Variants in CNKSR2 observed in about 807,000 individuals in gnomAD.
The protein encoded by CNKSR2 is connector enhancer of kinase suppressor of Ras 2, also known as CNK homolog protein 2.
A neutral mutation model predicts 84.4 loss-of-function variants in CNKSR2; 14 were observed. The observed-to-expected ratio is 0.17, with a 90% CI of 0.11 to 0.26. CNKSR2 has a LOEUF of 0.26. Among genes scored for constraint, CNKSR2 ranks in the 10% least tolerant of loss-of-function variants. The probability of loss-of-function intolerance (pLI) is 1.00; values close to 1 mark genes in which losing one functional copy is unlikely to be tolerated. For synonymous variants in CNKSR2, 275 were observed against 277.9 expected, an observed-to-expected ratio of 0.99 and a Z score of 0.10; for missense variants, 485 against 771.2, an observed-to-expected ratio of 0.63 and a Z score of 4.40.
intron 1 of CNKSR2, among the ~76,000 whole-genome samples, chrX:21,404,420 T>C (rs1267696019): frequency 9.0e-6 from 1 of 111,470 alleles, no homozygotes; most frequent in Non-Finnish European, 1.9e-5. Context: ...ATAAATCTTT[T>C]CCTGTATATT....
chrX:21,591,048 C>T lies in CNKSR2; in HGVS notation c.1684C>T (p.Arg562Ter). Residue 562 changes from arginine to a stop codon, truncating the protein, a stop_gained, in exon 15 of 22, where the codon CGA (arginine) becomes TGA (stop). Coordinates refer to ENST00000379510, the MANE Select transcript of CNKSR2 (RefSeq NM_014927.5). LOFTEE classifies it high-confidence loss of function. ...KGPIAGKSKR[R>*]ISCKDLGRGD... ...TCCTATAGCAGGCAAGAGCAAAAGA[C>T]GAATTTCTTGCAAAGATCTTGGCCG... 1 of 1,208,550 alleles carries T rather than the reference C, an allele frequency of 8.3e-7. No individual in the cohort carries two copies. The highest frequency in any genetic ancestry group is 1.7e-5 in the African/African-American group (1 of 57,579).
In CNKSR2 at chrX:21,653,832, T is replaced by C. The variant is rs1391847578; in HGVS notation, c.*1311T>C. 3.6e-5 allele frequency: 4 copies of C among 111,619 alleles called. No homozygotes were observed. The East Asian group carries it at 8.5e-4, about 24-fold the overall frequency. 9.2% of individuals were successfully genotyped at this position (111,619 alleles called of 1,213,427 possible). On this transcript the variant is annotated 3_prime_UTR_variant, in exon 22 of 22. Coordinates refer to ENST00000379510, the MANE Select transcript of CNKSR2 (RefSeq NM_014927.5). ...TGTACAAGTCACAATTTGCTGTTTT[T>C]TTCAGGAGGAGAAAGGGAACCTCCT...
chrX:21,525,457 T>G (rs891701774), intron 9 of CNKSR2, among the ~76,000 whole-genome samples: 1 of 111,277 alleles, frequency 9.0e-6, no homozygotes, highest in Non-Finnish European at 1.9e-5. Context: ...ACTCCCAAAT[T>G]ACATTATCAT....
At chrX:21,590,727 G>A (rs2092415452) in intron 14 of CNKSR2, 107 bp downstream of exon 14, 1 of 798,694 alleles carries the variant, frequency 1.3e-6, no homozygotes, top group Non-Finnish European at 1.8e-6. Context: ...TGGTTTAGAA[G>A]AGCACAACCC....
chrX:21,436,459 T>C (rs2090706687), intron 3 of CNKSR2, among the ~76,000 whole-genome samples: 1 of 111,737 alleles, frequency 8.9e-6, no homozygotes, highest in Non-Finnish European at 1.9e-5. Flanking sequence ...AATATAAGCA[T>C]CGTATTATCT....
chrX:21,563,401 A>G lies in CNKSR2; in HGVS notation c.1557A>G (p.Ala519=). The G allele has an allele frequency of 8.3e-7, 1 of 1,210,826 alleles. No homozygotes were observed. Among genetic ancestry groups the G allele is most frequent in the Non-Finnish European group, 1.1e-6 (1 of 894,691 alleles). ...YSLLPSLQMD[A]LRQDIMGTPV... Reference sequence around the variant, plus strand: ...TGCTACCTAGTTTACAAATGGATGCACTGAGACAAGACATCATGGGCACTC... The same window carrying G: ...TGCTACCTAGTTTACAAATGGATGCGCTGAGACAAGACATCATGGGCACTC... Residue 519 remains alanine (A), a synonymous_variant, in exon 13 of 22, where the codon GCA becomes GCG. Transcript: ENST00000379510.
At chrX:21,644,366 C>G (rs972236203) in intron 20 of CNKSR2, 3 of 112,251 alleles carry the variant, frequency 2.7e-5, no homozygotes, top group African/African-American at 3.2e-5. Context: ...TGGCTTCATT[C>G]TTCAAGAGCC....
chrX:21,493,728 G>A, intron 6 of CNKSR2: 1 of 111,227 alleles, frequency 9.0e-6, no homozygotes, highest in South Asian at 3.9e-4. Flanking sequence ...TTCAGAAGAT[G>A]ATTAGTTTGA....
rs1422042065 is a variant in CNKSR2, at chrX:21,652,435, A to G, written c.3019A>G (p.Asn1007Asp). ...GGATATCTGTCAAAATACCACCTCAAATGACCCACTGAGTATTTCTTCTGA... is the reference window on the plus strand; with the variant it reads ...GGATATCTGTCAAAATACCACCTCAGATGACCCACTGAGTATTTCTTCTGA... ...FLDICQNTTS[N>D]DPLSISSEVD... Residue 1007 changes from asparagine (N) to aspartate (D), a missense_variant, in exon 22 of 22, where the codon AAT (asparagine) becomes GAT (aspartate). Physicochemically the swap from Asn to Asp is conservative, Grantham distance 23. Transcript: ENST00000379510. The G allele has an allele frequency of 1.7e-6, 2 of 1,209,007 alleles. No homozygotes were observed. The highest frequency in any genetic ancestry group is 2.2e-6 in the Non-Finnish European group (2 of 893,152).
chrX:21,604,022 A>T (rs1234812950), intron 18 of CNKSR2, among the ~76,000 whole-genome samples: 1 of 111,373 alleles, frequency 9.0e-6, no homozygotes, highest in Non-Finnish European at 1.9e-5. Context: ...AGAAAAATAA[A>T]TTAATTTGCC....
In CNKSR2 at chrX:21,591,161, G is replaced by A. The variant is rs1878469589; in HGVS notation, c.1797G>A (p.Lys599=). ...GGAAAAAATATTGGTTTGTCCTAAA[G>A]GATGCATCCCTTTATTGGTATATTA... ...QKWKKYWFVL[K]DASLYWYINE... The change falls in exon 15 of 22, where the codon AAG becomes AAA. Residue 599 remains lysine, a synonymous_variant. Transcript: ENST00000379510. The A allele has an allele frequency of 1.7e-6, 2 of 1,205,308 alleles. No homozygotes were observed. Among genetic ancestry groups the A allele is most frequent in the Non-Finnish European group, 2.2e-6 (2 of 891,431 alleles).
chrX:21,427,970 A>G lies in CNKSR2; in HGVS notation c.228+1310A>G, dbSNP rs1427642337. ...TAGGCAGAAGAAATATCATGTGTAAAGACAGAATTGTGAAAGAATATGGAA... is the reference window on the plus strand; with the variant it reads ...TAGGCAGAAGAAATATCATGTGTAAGGACAGAATTGTGAAAGAATATGGAA... On this transcript the variant is annotated intron_variant, in intron 2 of 21. Coordinates refer to ENST00000379510, the MANE Select transcript of CNKSR2 (RefSeq NM_014927.5). The G allele has an allele frequency of 5.3e-5, 6 of 112,358 alleles. No individual in the cohort carries two copies. The Admixed American group carries it at 5.7e-4, about 11-fold the overall frequency. The allele number at this position is 112,358 out of a possible 1,213,427, so 9.3% of individuals were successfully genotyped here. A position where few individuals can be genotyped will look rare whatever the true frequency, so the allele number is the denominator to read the frequency against.
rs184414521 is a variant in CNKSR2 at position 21,454,527 on chromosome X, C to T, written c.519+13746C>T. Among the ~76,000 whole-genome samples the T allele has an allele frequency of 4.5e-5, 5 of 112,158 alleles. No homozygotes were observed. In the East Asian group the frequency reaches 1.4e-3, roughly 32 times the overall value. On this transcript the variant is annotated intron_variant, in intron 4 of 21. Transcript: ENST00000379510. ...CCCAGAACAAGGACAATGCCTGGAA[C>T]ATGGATATTGATCAATAAATATTTG...
chrX:21,381,403 C>T (rs1735792687), intron 1 of CNKSR2, among the ~76,000 whole-genome samples: 1 of 111,525 alleles, frequency 9.0e-6, no homozygotes, highest in Non-Finnish European at 1.9e-5. Flanking sequence ...AATTAATGTA[C>T]TCTGTTTCCC....
intron 10 of CNKSR2, among the ~76,000 whole-genome samples, chrX:21,530,607 T>G (rs2091876961): frequency 9.0e-6 from 1 of 111,514 alleles, no homozygotes; most frequent in Non-Finnish European, 1.9e-5. Flanking sequence ...TAAATTGTTT[T>G]TCTGGTTTGA....
chrX:21,426,262 A>G (rs2147053503), intron 1 of CNKSR2: 1 of 343,156 alleles, frequency 2.9e-6, no homozygotes, highest in African/African-American at 2.7e-5. Context: ...GATTTCCAGT[A>G]CGTGCTGAGG....
intron 20 of CNKSR2, among the ~76,000 whole-genome samples, chrX:21,631,608 C>T (rs1341559305): frequency 8.9e-6 from 1 of 111,881 alleles, no homozygotes; most frequent in East Asian, 2.8e-4. Flanking sequence ...TGTGTATTCT[C>T]TCATGATGAA....
intron 13 of CNKSR2, 111 bp from the exon 14 acceptor site, chrX:21,590,461 C>T: frequency 3.1e-6 from 2 of 635,645 alleles, no homozygotes; most frequent in East Asian, 7.1e-5. Flanking sequence ...AAGTTCTTCC[C>T]CTAACAGTGT....
In CNKSR2 at chrX:21,572,329, A is replaced by G. The variant is rs147245726; in HGVS notation, c.1608+8877A>G. Among the ~76,000 whole-genome samples, 1,073 of 112,319 alleles carry G rather than the reference A, an allele frequency of 9.6e-3. 13 individuals carry two copies. Among genetic ancestry groups the G allele is most frequent in the African/African-American group, 0.031 (971 of 30,917 alleles). On this transcript the variant is annotated intron_variant, in intron 13 of 21. Coordinates refer to ENST00000379510, the MANE Select transcript of CNKSR2 (RefSeq NM_014927.5). ...AACTTCCATTTTCACTTGTGACTAG[A>G]TATTGCTTACTAGTAACCTACTAAA...
Sources: allele counts gnomAD v4.1 joint callset (sites outside exome capture counted in the v4.1 genomes callset), GRCh38; gene constraint gnomAD v4.1.1; transcripts MANE v1.5; gene names NCBI Gene and HGNC (gene_info 2026-07-23, HGNC 2026-07-21).